AKAP7: variants seen among roughly 807,000 people sequenced by gnomAD.
The protein encoded by AKAP7 is A-kinase anchoring protein 7, also known as A kinase (PRKA) anchor protein 7.
In AKAP7, 39 loss-of-function variants were observed where a neutral mutation model predicts 39.5. The observed-to-expected ratio is 0.99, with a 90% CI of 0.76 to 1.29. The LOEUF (loss-of-function observed/expected upper bound fraction) is 1.29. Among genes scored for constraint, AKAP7 ranks in the 50% most tolerant of loss-of-function variants. The probability of loss-of-function intolerance (pLI) is 0.00; values close to 1 mark genes in which losing one functional copy is unlikely to be tolerated. For missense variants in AKAP7, 414 were observed against 407.7 expected (o/e 1.02, Z -0.13); for synonymous variants, 140 against 139.1 (o/e 1.01, Z -0.05).
intron 5 of AKAP7, among the ~76,000 whole-genome samples, chr6:131,180,922 T>C (rs1805157404): frequency 6.6e-6 from 1 of 152,014 alleles, no homozygotes; most frequent in African/African-American, 2.4e-5. Flanking sequence ...TTTATATTTT[T>C]AGATTTCTGG....
intron 5 of AKAP7, among the ~76,000 whole-genome samples, chr6:131,174,100 C>A (rs1434583107): frequency 6.6e-6 from 1 of 152,162 alleles, no homozygotes; most frequent in East Asian, 1.9e-4. Flanking sequence ...AAAGTTTCAA[C>A]AAAACATTAT....
At chr6:131,223,140 T>G (rs1173224688) in intron 7 of AKAP7, among the ~76,000 whole-genome samples, 1 of 152,240 alleles carries the variant, frequency 6.6e-6, no homozygotes, top group Admixed American at 6.5e-5. Flanking sequence ...TGAAACATAA[T>G]TTTATATGTA....
chr6:131,208,223 T>C (rs1225524259), intron 6 of AKAP7, among the ~76,000 whole-genome samples: 2 of 152,216 alleles, frequency 1.3e-5, no homozygotes, highest in Non-Finnish European at 2.9e-5. Flanking sequence ...TTCAACTTTA[T>C]GCTGTTGTAT....
chr6:131,164,506 T>A (rs1803288329), intron 3 of AKAP7: 35 of 450,164 alleles, frequency 7.8e-5, no homozygotes, highest in South Asian at 5.3e-4. Context: ...TCTTTGCAAC[T>A]CTTCATGGTA....
In AKAP7 at chr6:131,272,234, T is replaced by C. The variant is rs118091372; in HGVS notation, c.851-9296T>C. Among the ~76,000 whole-genome samples the C allele has an allele frequency of 1.9e-3, 295 of 152,338 alleles. 2 individuals carry two copies. The highest frequency in any genetic ancestry group is 3.4e-3 in the Non-Finnish European group (228 of 68,026). On this transcript the variant is annotated intron_variant, in intron 7 of 7. Transcript: ENST00000431975. ...ATGTTTCCACCCCCCACTCCTGATA[T>C]TGGCAATATACATCTTGTATTTTTT...
chr6:131,217,376 T>C (rs1809281606), intron 6 of AKAP7, among the ~76,000 whole-genome samples: 2 of 152,158 alleles, frequency 1.3e-5, no homozygotes, highest in South Asian at 4.1e-4. Flanking sequence ...AGATAAATTT[T>C]ATCAGAAAAG....
chr6:131,172,281 A>T (rs1437030499), intron 5 of AKAP7, among the ~76,000 whole-genome samples: 1 of 152,218 alleles, frequency 6.6e-6, no homozygotes, highest in African/African-American at 2.4e-5. Flanking sequence ...ACTAAAGGAT[A>T]TGCAAGACTT....
upstream of AKAP7, among the ~76,000 whole-genome samples, chr6:131,132,827 G>C (rs1181857810): frequency 6.6e-6 from 1 of 152,170 alleles, no homozygotes; most frequent in African/African-American, 2.4e-5. Context: ...TTCACAGATT[G>C]TCCACCATTA....
intron 5 of AKAP7, among the ~76,000 whole-genome samples, chr6:131,197,459 A>G (rs139858425): frequency 6.6e-6 from 1 of 152,174 alleles, no homozygotes; most frequent in East Asian, 1.9e-4. Context: ...TATTTTCTCT[A>G]ACTCCATCTC....
At chr6:131,229,763 A>G (rs762067860) in intron 7 of AKAP7, among the ~76,000 whole-genome samples, 3 of 152,150 alleles carry the variant, frequency 2.0e-5, no homozygotes, top group Non-Finnish European at 2.9e-5. Flanking sequence ...ATATATACAC[A>G]TGCCTGTGAA....
chr6:131,217,499 A>AT (rs1163997786), intron 6 of AKAP7, among the ~76,000 whole-genome samples: 2 of 152,194 alleles, frequency 1.3e-5, no homozygotes, highest in East Asian at 3.9e-4. Flanking sequence ...ATTACTGAAG[A>AT]TTTTTCTGAT....
At chr6:131,224,285 C>G (rs1311684627) in intron 7 of AKAP7, among the ~76,000 whole-genome samples, 1 of 151,970 alleles carries the variant, frequency 6.6e-6, no homozygotes, top group Non-Finnish European at 1.5e-5. Context: ...ATTTGGGATA[C>G]TTTGTTTTAT....
rs1262190711 is a variant in AKAP7, at chr6:131,281,877, G to T, written c.*151G>T. The T allele has an allele frequency of 7.8e-7, 1 of 1,274,182 alleles. No individual in the cohort carries two copies. Among genetic ancestry groups the T allele is most frequent in the Admixed American group, 4.0e-5 (1 of 25,310 alleles). 78.9% of individuals were successfully genotyped at this position (1,274,182 alleles called of 1,614,324 possible). A position where few individuals can be genotyped will look rare whatever the true frequency, so the allele number is the denominator to read the frequency against. On this transcript the variant is annotated 3_prime_UTR_variant, in exon 8 of 8. Transcript: ENST00000431975. This position sits in a 1 kb window ranked among gnomAD's most constrained non-coding sequence, Gnocchi z 4.0. Reference sequence around the variant, plus strand: ...AATACTTTTCATGATCGATGTGTTCGCATTGCTGAAACACAACAGAAGAAA... The same window carrying T: ...AATACTTTTCATGATCGATGTGTTCTCATTGCTGAAACACAACAGAAGAAA...
intron 7 of AKAP7, among the ~76,000 whole-genome samples, chr6:131,267,310 C>G (rs774029562): frequency 4.0e-5 from 6 of 150,710 alleles, no homozygotes; most frequent in Non-Finnish European, 7.4e-5. Flanking sequence ...AGTGACATAT[C>G]TTATGTTTTC....
intron 7 of AKAP7, among the ~76,000 whole-genome samples, chr6:131,243,369 T>G (rs1363574948): frequency 6.6e-6 from 1 of 152,168 alleles, no homozygotes; most frequent in Non-Finnish European, 1.5e-5. Flanking sequence ...CACATGTTGT[T>G]AGAAGCATCC....
At chr6:131,126,950 T>C in the AKAP7 span, among the ~76,000 whole-genome samples, 1 of 152,192 alleles carries the variant, frequency 6.6e-6, no homozygotes, top group Admixed American at 6.5e-5. Flanking sequence ...GTTTGTGAGA[T>C]TGACTGATGA....
chr6:131,186,713 T>C (rs1290917814), intron 5 of AKAP7, among the ~76,000 whole-genome samples: 4 of 152,124 alleles, frequency 2.6e-5, no homozygotes, highest in Admixed American at 1.3e-4. Flanking sequence ...CACTGTATCC[T>C]CACATGGTGG....
rs1562238108 is a variant in AKAP7 at position 131,241,619 on chromosome 6, G to GTATATATACGTATATATATATA, written c.850+21812_850+21813insATATATACGTATATATATATAT. Among the ~76,000 whole-genome samples the GTATATATACGTATATATATATA allele has an allele frequency of 7.0e-5, 5 of 70,976 alleles. 1 individual carries two copies. Among genetic ancestry groups the GTATATATACGTATATATATATA allele is most frequent in the Admixed American group, 2.4e-4 (2 of 8,172 alleles). The allele number at this position is 70,976 out of a possible 152,430, so 46.6% of individuals were successfully genotyped here. ...TGTGTGTGTGTGTGTGTGTGTGTGT[G>GTATATATACGTATATATATATA]TGTGTGTGTATATATATATGACAGT... On this transcript the variant is annotated intron_variant, in intron 7 of 7. Coordinates refer to ENST00000431975, the MANE Select transcript of AKAP7 (RefSeq NM_016377.4).
intron 7 of AKAP7, among the ~76,000 whole-genome samples, chr6:131,230,020 C>T (rs1440490912): frequency 6.6e-6 from 1 of 152,160 alleles, no homozygotes; most frequent in East Asian, 1.9e-4. Flanking sequence ...GATTCCATGT[C>T]TTTGCTATTG....
Sources: allele counts gnomAD v4.1 joint callset (sites outside exome capture counted in the v4.1 genomes callset), GRCh38; gene constraint gnomAD v4.1.1; non-coding constraint Gnocchi (gnomAD v3.1); transcripts MANE v1.5; gene names NCBI Gene and HGNC (gene_info 2026-07-23, HGNC 2026-07-21).